Variants in ZMYM6 observed in about 807,000 individuals in gnomAD.
ZMYM6 encodes zinc finger MYM-type containing 6, also known as zinc finger MYM-type protein 6.
A neutral mutation model predicts 134.0 loss-of-function variants in ZMYM6; 90 were observed. The observed-to-expected ratio is 0.67, with a 90% CI of 0.57 to 0.80. ZMYM6 has a LOEUF of 0.80. Ranked by LOEUF, ZMYM6 falls within the 30% of genes least tolerant of loss-of-function variation. The pLI is 0.00. For synonymous variants in ZMYM6, 481 were observed against 524.1 expected (o/e 0.92, Z 1.12); for missense variants, 1,362 against 1,533.9 (o/e 0.89, Z 1.87).
intron 2 of ZMYM6, among the ~76,000 whole-genome samples, chr1:35,026,651 T>C (rs1641419620): frequency 2.0e-5 from 3 of 152,248 alleles, no homozygotes; most frequent in African/African-American, 7.2e-5. Context: ...AAGCACATTA[T>C]TTGTTAAGTG....
rs570570063 is a variant in ZMYM6, at chr1:34,987,563, T to G, written c.3519A>C (p.Ser1173=). The G allele has an allele frequency of 6.2e-7, 1 of 1,613,942 alleles. No individual in the cohort carries two copies. The highest frequency in any genetic ancestry group is 2.2e-5 in the East Asian group (1 of 44,866). The change falls in exon 16 of 16, where the codon TCA becomes TCC. Residue 1173 remains serine, a synonymous_variant. Transcript: ENST00000357182. ...YDMFPSFSEF[S]NSSGLNMTDI... is the part of the protein sequence containing the mutation. Reference sequence around the variant, plus strand: ...CTGTCATATTTAAGCCTGATGAATTTGAGAATTCAGAAAATGAAGGGAACA... The same window carrying G: ...CTGTCATATTTAAGCCTGATGAATTGGAGAATTCAGAAAATGAAGGGAACA...
chr1:35,011,092 G>C, intron 8 of ZMYM6, 56 bp from the exon 9 acceptor site: 1 of 1,526,564 alleles, frequency 6.6e-7, no homozygotes, highest in Non-Finnish European at 8.8e-7. Context: ...AGATAACTTT[G>C]TACTTTTCAT....
chr1:35,012,801 A>G (rs1026080341), intron 6 of ZMYM6: 2 of 985,278 alleles, frequency 2.0e-6, no homozygotes, highest in Admixed American at 6.1e-5. Context: ...TAGAGATCTT[A>G]GCAAACAAAA....
chr1:35,009,788 TA>T (rs2148452454), intron 10 of ZMYM6, among the ~76,000 whole-genome samples: 1 of 151,794 alleles, frequency 6.6e-6, no homozygotes, highest in South Asian at 2.1e-4. Flanking sequence ...TAAAAAAAAT[TA>T]GCCAGGCATG....
intron 14 of ZMYM6, among the ~76,000 whole-genome samples, chr1:34,993,220 T>C (rs190385662): frequency 1.1e-4 from 17 of 152,146 alleles, no homozygotes; most frequent in Admixed American, 1.3e-4. Flanking sequence ...CAAGCAGTTC[T>C]TGTGCCTCAG....
chr1:35,013,260 A>G, intron 6 of ZMYM6: 1 of 794,798 alleles, frequency 1.3e-6, no homozygotes, highest in Non-Finnish European at 1.5e-6. Context: ...CAAAAAGTTT[A>G]AATTAACAGA....
chr1:34,988,284 T>C lies in ZMYM6; in HGVS notation c.2798A>G (p.Tyr933Cys). The C allele has an allele frequency of 6.4e-7, 1 of 1,550,880 alleles. No individual in the cohort carries two copies. The highest frequency in any genetic ancestry group is 1.2e-5 in the South Asian group (1 of 83,910). Residue 933 changes from tyrosine (Y) to cysteine (C), a missense_variant, in exon 16 of 16, where the codon TAT becomes TGT. Coordinates refer to ENST00000357182, the MANE Select transcript of ZMYM6 (RefSeq NM_007167.4). ...LLLCYIRFID[Y>C]DCRDVKEELL... is the part of the protein sequence containing the mutation. Reference sequence around the variant, plus strand: ...TTCTTCTTTTACATCACGACAATCATAATCAATGAAACGAATATAGCACAA... The same window carrying C: ...TTCTTCTTTTACATCACGACAATCACAATCAATGAAACGAATATAGCACAA...
At chr1:35,025,955 A>C (rs932587874) in intron 2 of ZMYM6, among the ~76,000 whole-genome samples, 1 of 152,224 alleles carries the variant, frequency 6.6e-6, no homozygotes, top group South Asian at 2.1e-4. Flanking sequence ...TATGGATTAC[A>C]GCAGGCAGGA....
Position 34,988,142 on chromosome 1 carries a change from G to A in ZMYM6, c.2940C>T (p.Thr980=), listed in dbSNP as rs758457094. 1.8e-5 allele frequency: 28 copies of A among 1,551,122 alleles called. No homozygotes were observed. The highest frequency in any genetic ancestry group is 1.5e-4 in the South Asian group (13 of 84,020). The change falls in exon 16 of 16, where the codon ACC becomes ACT. Residue 980 remains threonine (T), a synonymous_variant. Transcript: ENST00000357182. Reference sequence around the variant, plus strand: ...TGCCAGTCATGCTTGCAGCCCCATCGGTACAGAGACCAACACAATGTTTCC... The same window carrying A: ...TGCCAGTCATGCTTGCAGCCCCATCAGTACAGAGACCAACACAATGTTTCC... ...LNWKHCVGLC[T]DGAASMTGRY... is the part of the protein sequence containing the mutation.
rs1641104902 is a variant in ZMYM6, at chr1:35,012,546, CTT to C, written c.829_830del (p.Lys277ValfsTer7). 1.2e-6 allele frequency: 2 copies of C among 1,613,526 alleles called. No homozygotes were observed. Among genetic ancestry groups the C allele is most frequent in the East Asian group, 4.5e-5 (2 of 44,812 alleles). On this transcript the variant is annotated frameshift_variant, in exon 7 of 16. Transcript: ENST00000357182. LOFTEE classifies it high-confidence loss of function. ...SAQIPPYALG[K>X]SLRPSAEMIE... ...TCATTTCAGCTGAGGGCCTCAATGA[CTT>C]CCCCAGGGCATATGGAGGAATTTGG...
chr1:35,017,959 C>T (rs2148457311), intron 4 of ZMYM6: 1 of 152,198 alleles, frequency 6.6e-6, no homozygotes, highest in Middle Eastern at 3.4e-3. Flanking sequence ...TAAGTTTACT[C>T]TTTCAGATTA....
chr1:35,011,710 C>G (rs1174784788), intron 8 of ZMYM6, among the ~76,000 whole-genome samples, 180 bp downstream of exon 8: 1 of 152,164 alleles, frequency 6.6e-6, no homozygotes, highest in Non-Finnish European at 1.5e-5. Context: ...CTGCTGAGAC[C>G]CAATATCTGG....
chr1:34,991,576 C>A lies in ZMYM6; in HGVS notation c.2146+658G>T, dbSNP rs144083581. Among the ~76,000 whole-genome samples, 533 of 152,164 alleles carry A rather than the reference C, an allele frequency of 3.5e-3. 6 individuals are homozygous for A. The highest frequency in any genetic ancestry group is 0.012 in the African/African-American group (482 of 41,504). On this transcript the variant is annotated intron_variant, in intron 15 of 15. Coordinates refer to ENST00000357182, the MANE Select transcript of ZMYM6 (RefSeq NM_007167.4). ...CCTGAGGTCAGGAGTTCAAAACCAG[C>A]CTGGTCAAAGTGATGAAACCCCGTC... is the stretch of plus-strand genomic sequence containing the variant.
chr1:35,029,934 T>G (rs1308518243), intron 2 of ZMYM6, among the ~76,000 whole-genome samples: 1 of 152,130 alleles, frequency 6.6e-6, no homozygotes, highest in East Asian at 1.9e-4. Flanking sequence ...ACATATAAGC[T>G]CTACAAGGGA....
intron 7 of ZMYM6, 26 bp from the exon 8 acceptor site, chr1:35,012,031 T>C (rs1017327907): frequency 1.2e-5 from 17 of 1,443,002 alleles, no homozygotes; most frequent in African/African-American, 2.8e-5. Flanking sequence ...TTAAAAACAA[T>C]GATTAAGTTA....
In ZMYM6 at chr1:34,992,394, A is replaced by T. The variant is rs1295105987; in HGVS notation, c.1993-7T>A. The T allele has an allele frequency of 1.2e-6, 2 of 1,607,808 alleles. No individual in the cohort carries two copies. The highest frequency in any genetic ancestry group is 2.2e-5 in the South Asian group (2 of 90,046). Reference sequence around the variant, plus strand: ...CATCTTCCTGTGTACTTTCCTAGTTAAAAGCAAATTCAGAAACCAAAGAAA... The same window carrying T: ...CATCTTCCTGTGTACTTTCCTAGTTTAAAGCAAATTCAGAAACCAAAGAAA... On this transcript the variant is annotated splice_polypyrimidine_tract_variant and splice_region_variant and intron_variant, in intron 14 of 15. Coordinates refer to ENST00000357182, the MANE Select transcript of ZMYM6 (RefSeq NM_007167.4).
rs1445658650 is a variant in ZMYM6, at chr1:34,987,709, C to A, written c.3373G>T (p.Glu1125Ter). 7 of 1,550,364 alleles carry A rather than the reference C, an allele frequency of 4.5e-6. No individual in the cohort carries two copies. Among genetic ancestry groups the A allele is most frequent in the Non-Finnish European group, 6.1e-6 (7 of 1,146,622 alleles). The change falls in exon 16 of 16, where the codon GAA (glutamate) becomes TAA (stop). Residue 1125 changes from glutamate (E) to a stop codon, truncating the protein, a stop_gained. Coordinates refer to ENST00000357182, the MANE Select transcript of ZMYM6 (RefSeq NM_007167.4). LOFTEE classifies it high-confidence loss of function. Reference sequence around the variant, plus strand: ...GTTCCTTGGAGACTTAAATTTAATTCATTTATAAGTGAAAATATATCTGAT... The same window carrying A: ...GTTCCTTGGAGACTTAAATTTAATTAATTTATAAGTGAAAATATATCTGAT... ...YLSDIFSLIN[E>*]LNLSLQGTLT...
At chr1:34,998,730 G>A (rs1640830560) in intron 14 of ZMYM6, among the ~76,000 whole-genome samples, 2 of 152,144 alleles carry the variant, frequency 1.3e-5, no homozygotes, top group Non-Finnish European at 2.9e-5. Flanking sequence ...TGTCAAGTCG[G>A]CAGCTGGATA....
intron 15 of ZMYM6, chr1:34,990,257 C>A: frequency 3.8e-6 from 1 of 265,976 alleles, no homozygotes; most frequent in South Asian, 3.3e-5. Context: ...GAGGCGGGCA[C>A]ATCATGAGGT....
Sources: allele counts gnomAD v4.1 joint callset (sites outside exome capture counted in the v4.1 genomes callset), GRCh38; gene constraint gnomAD v4.1.1; transcripts MANE v1.5; gene names NCBI Gene and HGNC (gene_info 2026-07-23, HGNC 2026-07-21).